The following AP2A2 variants were observed in gnomAD, a reference collection of about 807,000 sequenced individuals.
AP2A2 encodes the protein adaptor related protein complex 2 subunit alpha 2.
Under a neutral mutation model 104.2 loss-of-function variants are expected in AP2A2, and 32 were observed. The ratio of observed to expected loss-of-function variants is 0.31; its 90% CI spans 0.23 to 0.41. The LOEUF (loss-of-function observed/expected upper bound fraction) is 0.41. AP2A2 is among the 10% of genes least tolerant of loss of function. The pLI is 1.00. For synonymous variants in AP2A2, 539 were observed against 533.3 expected (o/e 1.01, Z -0.15); for missense variants, 912 against 1,261.0 (o/e 0.72, Z 4.19).
intron 2 of AP2A2, among the ~76,000 whole-genome samples, chr11:959,728 A>G (rs765414888): frequency 8.5e-5 from 13 of 152,184 alleles, no homozygotes; most frequent in Non-Finnish European, 1.9e-4. Context: ...CTGGAACAGC[A>G]CTGGTCTAGT....
chr11:956,380 C>G (rs952029467), intron 1 of AP2A2, among the ~76,000 whole-genome samples: 2 of 152,094 alleles, frequency 1.3e-5, no homozygotes, highest in African/African-American at 4.8e-5. Flanking sequence ...CTAGGCTGGT[C>G]TCCAACTCCT....
chr11:965,181 C>A, intron 2 of AP2A2, among the ~76,000 whole-genome samples: 1 of 27,218 alleles, frequency 3.7e-5, no homozygotes, highest in African/African-American at 2.2e-4. Context: ...ATGGAACGGG[C>A]GGGAAATTAA....
chr11:949,632 G>A (rs1285239092), intron 1 of AP2A2, among the ~76,000 whole-genome samples: 1 of 152,006 alleles, frequency 6.6e-6, no homozygotes, highest in African/African-American at 2.4e-5. Flanking sequence ...AAAATTAGCT[G>A]GGTGTGGTGG....
rs1387133343 is a variant in AP2A2 at position 1,008,147 on chromosome 11, C to T, written c.2420+12C>T. On this transcript the variant is annotated intron_variant, in intron 18 of 21. Coordinates refer to ENST00000448903, the MANE Select transcript of AP2A2 (RefSeq NM_012305.4). Reference sequence around the variant, plus strand: ...AACATTCAGTTCAGGTAAGAGCCGCCTGTGCGCCCCGGGCCAAGGGGTGTG... The same window carrying T: ...AACATTCAGTTCAGGTAAGAGCCGCTTGTGCGCCCCGGGCCAAGGGGTGTG... 2 of 1,591,302 alleles carry T rather than the reference C, an allele frequency of 1.3e-6. No individual in the cohort carries two copies. Among genetic ancestry groups the T allele is most frequent in the South Asian group, 2.3e-5 (2 of 87,462 alleles).
At position 993,420 on chromosome 11, in the gene AP2A2, G is replaced by A. The variant is rs376328158; in HGVS notation, c.1550+39G>A. The stretch of plus-strand genomic sequence containing the variant: ...TGCGAGTCGGGGCTGTGTGCGCTCC[G>A]GCGGGCCTCTCGGTGGTCGGTGGCA... On this transcript the variant is annotated intron_variant, in intron 12 of 21. Transcript: ENST00000448903. This position sits in a 1 kb window ranked among gnomAD's most constrained non-coding sequence, Gnocchi z 8.2. 5.3e-6 allele frequency: 8 copies of A among 1,515,470 alleles called. No homozygotes were observed. The highest frequency in any genetic ancestry group is 3.5e-4 in the Middle Eastern group (2 of 5,722). The allele number at this position is 1,515,470 out of a possible 1,614,324, so 93.9% of individuals were successfully genotyped here. A position where few individuals can be genotyped will look rare whatever the true frequency, so the allele number is the denominator to read the frequency against.
rs916095727 is a variant in AP2A2, at chr11:970,108, T to C, written c.137-61T>C. Reference sequence around the variant, plus strand: ...GCTGTACTGCTGCACTGCCCTCTGCTCTCCCCTCTCCCCTGCCTCTGCCCG... The same window carrying C: ...GCTGTACTGCTGCACTGCCCTCTGCCCTCCCCTCTCCCCTGCCTCTGCCCG... On this transcript the variant is annotated intron_variant, in intron 2 of 21. Coordinates refer to ENST00000448903, the MANE Select transcript of AP2A2 (RefSeq NM_012305.4). 5 of 1,581,908 alleles carry C rather than the reference T, an allele frequency of 3.2e-6. No homozygotes were observed. In the African/African-American group the frequency reaches 6.7e-5, roughly 21 times the overall value.
chr11:1,006,437 G>A, intron 16 of AP2A2, 91 bp from the exon 17 acceptor site: 4 of 905,840 alleles, frequency 4.4e-6, no homozygotes, highest in Non-Finnish European at 7.0e-6. Flanking sequence ...AAATTCAGCT[G>A]AAGATTGTGG....
chr11:986,457 C>T (rs1855460560), intron 8 of AP2A2, among the ~76,000 whole-genome samples: 1 of 152,214 alleles, frequency 6.6e-6, no homozygotes. Flanking sequence ...CTGGCTGAGA[C>T]CCCATTGCCG....
In AP2A2 at chr11:1,010,724, C is replaced by T; in HGVS notation, c.*99C>T. ...TGCAGATGAGCACCGTGTCCAGTGC[C>T]ACAGCACAAGGCGCCTCCCCGCCCC... is the stretch of plus-strand genomic sequence containing the variant. On this transcript the variant is annotated 3_prime_UTR_variant, in exon 22 of 22. Coordinates refer to ENST00000448903, the MANE Select transcript of AP2A2 (RefSeq NM_012305.4). 1.9e-6 allele frequency: 2 copies of T among 1,040,924 alleles called. No homozygotes were observed. The highest frequency in any genetic ancestry group is 2.9e-6 in the Non-Finnish European group (2 of 684,968). 64.5% of individuals were successfully genotyped at this position (1,040,924 alleles called of 1,614,324 possible). A position where few individuals can be genotyped will look rare whatever the true frequency, so the allele number is the denominator to read the frequency against.
intron 2 of AP2A2, among the ~76,000 whole-genome samples, chr11:960,846 CG>C (rs1295685253): frequency 1.6e-4 from 23 of 141,904 alleles, no homozygotes; most frequent in Non-Finnish European, 9.2e-5. Context: ...TTAGTAGAGA[CG>C]GGGGTTTCTC....
chr11:970,774 G>A (rs572525552), intron 3 of AP2A2, among the ~76,000 whole-genome samples: 5 of 152,240 alleles, frequency 3.3e-5, no homozygotes, highest in African/African-American at 1.2e-4. Flanking sequence ...GTCCCAAGTA[G>A]ACCCGTCCCG....
intron 4 of AP2A2, among the ~76,000 whole-genome samples, chr11:976,216 G>A (rs1367191801): frequency 6.6e-6 from 1 of 152,162 alleles, no homozygotes; most frequent in Non-Finnish European, 1.5e-5. Context: ...GCCGGAAGAG[G>A]GACACAATAC....
At chr11:985,766 G>A (rs1419607036) in intron 8 of AP2A2, among the ~76,000 whole-genome samples, 184 bp downstream of exon 8, 1 of 152,144 alleles carries the variant, frequency 6.6e-6, no homozygotes, top group Non-Finnish European at 1.5e-5. Flanking sequence ...CCTGCTCTGA[G>A]CTCACCGTGG....
chr11:993,974 A>G lies in AP2A2; in HGVS notation c.1771A>G (p.Thr591Ala), dbSNP rs1214660266. The G allele has an allele frequency of 6.2e-6, 10 of 1,610,912 alleles. No individual in the cohort carries two copies. In the African/African-American group the frequency reaches 1.2e-4, roughly 19 times the overall value. ...CCTGCGGCTCAGCACCGTGGCCAGC[A>G]CCGACATTCTGGTAGGAGGCCCCCG... is the stretch of plus-strand genomic sequence containing the variant. ...EYLRLSTVAS[T>A]DILATVLEEM... Residue 591 changes from threonine (T) to alanine (A), a missense_variant, in exon 13 of 22, where the codon ACC (threonine) becomes GCC (alanine). Physicochemically the swap from Thr to Ala is moderately conservative, Grantham distance 58. Around this residue, in one of 7 missense-constraint regions of AP2A2, gnomAD observed 137 missense variants for 186.9 expected, o/e 0.73. Coordinates refer to ENST00000448903, the MANE Select transcript of AP2A2 (RefSeq NM_012305.4). The surrounding 1 kb of genome is among the most constrained non-coding windows in gnomAD (Gnocchi z 8.2).
In AP2A2 at chr11:1,011,281, C is replaced by G. The variant is rs1237616816; in HGVS notation, c.*656C>G. Reference sequence around the variant, plus strand: ...AGGGCGTCTGTTATGCTCCTGCAGTCGCCGAGGCCTTGGATGTGCAGCCAG... The same window carrying G: ...AGGGCGTCTGTTATGCTCCTGCAGTGGCCGAGGCCTTGGATGTGCAGCCAG... On this transcript the variant is annotated 3_prime_UTR_variant, in exon 22 of 22. Coordinates refer to ENST00000448903, the MANE Select transcript of AP2A2 (RefSeq NM_012305.4). 1 of 518,930 alleles carries G rather than the reference C, an allele frequency of 1.9e-6. No homozygotes were observed. The highest frequency in any genetic ancestry group is 1.9e-5 in the Admixed American group (1 of 51,610). The allele number at this position is 518,930 out of a possible 1,614,324, so 32.1% of individuals were successfully genotyped here.
In AP2A2 at chr11:985,550, C is replaced by T. The variant is rs375464272; in HGVS notation, c.930C>T (p.Phe310=). The T allele has an allele frequency of 5.0e-6, 8 of 1,613,950 alleles. No homozygotes were observed. The highest frequency in any genetic ancestry group is 1.6e-4 in the Middle Eastern group (1 of 6,062). Residue 310 remains phenylalanine, a synonymous_variant, in exon 8 of 22, where the codon TTC becomes TTT. Transcript: ENST00000448903. ...QHSNAKNAVL[F]EAISLIIHHD... The stretch of plus-strand genomic sequence containing the variant: ...CCAACGCGAAGAATGCCGTGCTCTT[C>T]GAGGCCATCAGCTTAATCATTCACC...
intron 14 of AP2A2, among the ~76,000 whole-genome samples, chr11:997,756 T>C (rs749678454): frequency 3.3e-4 from 50 of 152,030 alleles, no homozygotes; most frequent in Non-Finnish European, 5.7e-4. Context: ...AATACAAAAA[T>C]TAGCCAGGTG....
Position 993,935 on chromosome 11 carries a change from C to T in AP2A2, c.1732C>T (p.Arg578Cys), listed in dbSNP as rs753375032. The change falls in exon 13 of 22, where the codon CGT (arginine) becomes TGT (cysteine). Residue 578 changes from arginine (R) to cysteine (C), a missense_variant. By Grantham distance (180) the Arg-to-Cys change is radical. This residue lies in a region of AP2A2 where 137 missense variants were observed against 186.9 expected (regional missense o/e 0.73). Transcript: ENST00000448903. The surrounding 1 kb of genome is among the most constrained non-coding windows in gnomAD (Gnocchi z 8.2). The stretch of plus-strand genomic sequence containing the variant: ...GAACGCAGACGTGGAGCTGCAGCAG[C>T]GTGCTGTGGAGTACCTGCGGCTCAG... ...LRNADVELQQ[R>C]AVEYLRLSTV... is the part of the protein sequence containing the mutation. 1.2e-6 allele frequency: 2 copies of T among 1,612,310 alleles called. No homozygotes were observed. The highest frequency in any genetic ancestry group is 1.7e-6 in the Non-Finnish European group (2 of 1,179,786).
At chr11:927,178 C>T (rs1421758179) in intron 1 of AP2A2, among the ~76,000 whole-genome samples, 1 of 152,102 alleles carries the variant, frequency 6.6e-6, no homozygotes, top group African/African-American at 2.4e-5. Context: ...ACCACCTCAG[C>T]CTCCGGAGTC....
Sources: gnomAD v4.1 joint callset for allele counts (sites outside exome capture counted in the v4.1 genomes callset) on GRCh38, gnomAD v4.1.1 for gene constraint, gnomAD v4.1.1 regional missense constraint, Gnocchi (gnomAD v3.1) non-coding constraint, MANE v1.5 for transcripts, NCBI Gene and HGNC (gene_info 2026-07-23, HGNC 2026-07-21) for gene names.